Variants in SCLY observed in about 807,000 individuals in gnomAD.
SCLY encodes the protein selenocysteine lyase, also known as putative selenocysteine lyase.
SCLY carries 38 observed loss-of-function variants against 50.1 expected under a neutral mutation model. The ratio of observed to expected loss-of-function variants is 0.76; its 90% CI spans 0.59 to 0.99. SCLY has a LOEUF of 0.99. Among genes scored for constraint, SCLY ranks in the 50% least tolerant of loss-of-function variants. The probability of loss-of-function intolerance (pLI) is 0.00; values close to 1 mark genes in which losing one functional copy is unlikely to be tolerated. For missense variants in SCLY, 600 were observed against 620.0 expected (o/e 0.97, Z 0.34); for synonymous variants, 243 against 249.4 (o/e 0.97, Z 0.24).
Position 238,069,418 on chromosome 2 carries a change from C to T in SCLY, c.425C>T (p.Ser142Leu), listed in dbSNP as rs759419034. ...KGAKPHFITS[S>L]VEHDSIRLPL... Reference sequence around the variant, plus strand: ...GCCAAGCCCCATTTCATTACTTCCTCGGTGGAACACGACTCCATCCGGCTG... The same window carrying T: ...GCCAAGCCCCATTTCATTACTTCCTTGGTGGAACACGACTCCATCCGGCTG... Residue 142 changes from serine to leucine, a missense_variant, in exon 4 of 12, where the codon TCG (serine) becomes TTG (leucine). Physicochemically the swap from Ser to Leu is moderately radical, Grantham distance 145. Coordinates refer to ENST00000254663, the MANE Select transcript of SCLY (RefSeq NM_016510.7). This position sits in a 1 kb window ranked among gnomAD's most constrained non-coding sequence, Gnocchi z 5.0. 1.8e-5 allele frequency: 29 copies of T among 1,613,794 alleles called. No individual in the cohort carries two copies. In the Admixed American group the frequency reaches 2.2e-4, roughly 12 times the overall value.
At chr2:238,078,183 A>T (rs1197770571) in intron 4 of SCLY, among the ~76,000 whole-genome samples, 1 of 152,038 alleles carries the variant, frequency 6.6e-6, no homozygotes, top group Non-Finnish European at 1.5e-5. Flanking sequence ...TGAACTCCTG[A>T]TCTCAGGTGA....
chr2:238,085,058 G>A (rs1223590546), intron 7 of SCLY, among the ~76,000 whole-genome samples: 2 of 152,136 alleles, frequency 1.3e-5, no homozygotes, highest in African/African-American at 4.8e-5. Context: ...CAGGTTTCAA[G>A]TGAAAATCAT....
chr2:238,085,266 GA>G (rs1447997198), intron 7 of SCLY, among the ~76,000 whole-genome samples: 1 of 152,080 alleles, frequency 6.6e-6, no homozygotes, highest in African/African-American at 2.4e-5. Flanking sequence ...CAACATAAAA[GA>G]AGAACCAAAT....
At chr2:238,088,726 A>C (rs560097891) in intron 7 of SCLY, among the ~76,000 whole-genome samples, 9 of 152,260 alleles carry the variant, frequency 5.9e-5, no homozygotes, top group Non-Finnish European at 1.3e-4. Context: ...TCAACCATTC[A>C]TGTTAAAAAC....
At chr2:238,071,037 G>A (rs1034075763) in intron 4 of SCLY, among the ~76,000 whole-genome samples, 1 of 151,856 alleles carries the variant, frequency 6.6e-6, no homozygotes, top group Non-Finnish European at 1.5e-5. Context: ...TCACCATGTT[G>A]ACCAGGCTGC....
chr2:238,093,906 A>T lies in SCLY; in HGVS notation c.967A>T (p.Met323Leu). ...GAACTGCGAGGCTTATGAGGCCCAC[A>T]TGAGGGACGTCCGCGACTACCTGGA... ...TQNCEAYEAH[M>L]RDVRDYLEER... Residue 323 changes from methionine (M) to leucine (L), a missense_variant, in exon 9 of 12, where the codon ATG becomes TTG. Coordinates refer to ENST00000254663, the MANE Select transcript of SCLY (RefSeq NM_016510.7). 1 of 1,614,050 alleles carries T rather than the reference A, an allele frequency of 6.2e-7. No homozygotes were observed. Among genetic ancestry groups the T allele is most frequent in the Non-Finnish European group, 8.5e-7 (1 of 1,180,014 alleles).
chr2:238,074,191 A>C (rs371288943), intron 4 of SCLY, among the ~76,000 whole-genome samples: 16 of 152,156 alleles, frequency 1.1e-4, no homozygotes, highest in African/African-American at 3.9e-4. Context: ...CTGTAATCCC[A>C]GCTACTTGGG....
In SCLY at chr2:238,066,691, A is replaced by G. The variant is rs1014928953; in HGVS notation, c.203-1374A>G. Among the ~76,000 whole-genome samples the G allele has an allele frequency of 1.3e-5, 2 of 152,280 alleles. No homozygotes were observed. Among genetic ancestry groups the G allele is most frequent in the African/African-American group, 4.8e-5 (2 of 41,550 alleles). On this transcript the variant is annotated intron_variant, in intron 2 of 11. Coordinates refer to ENST00000254663, the MANE Select transcript of SCLY (RefSeq NM_016510.7). The surrounding 1 kb of genome is among the most constrained non-coding windows in gnomAD (Gnocchi z 4.1). Reference sequence around the variant, plus strand: ...TAATTGGCGGGGAATGAAAAGGGAAAGAGCCCACGCTTTTGCCCTGGGCTG... The same window carrying G: ...TAATTGGCGGGGAATGAAAAGGGAAGGAGCCCACGCTTTTGCCCTGGGCTG...
At chr2:238,091,118 A>G (rs1235178220) in intron 7 of SCLY, 100 bp from the exon 8 acceptor site, 5 of 1,095,292 alleles carry the variant, frequency 4.6e-6, no homozygotes, top group Non-Finnish European at 4.2e-6. Flanking sequence ...GGAAAGATGT[A>G]GCGTGAGTTT....
Position 238,098,579 on chromosome 2 carries a change from G to GAACGCCCACATGGGAACGCCCACATAGA in SCLY, c.*225_*226insACGCCCACATGGGAACGCCCACATAGAA, listed in dbSNP as rs1691306545. The GAACGCCCACATGGGAACGCCCACATAGA allele has an allele frequency of 8.6e-5, 34 of 394,842 alleles. 2 individuals are homozygous for GAACGCCCACATGGGAACGCCCACATAGA. Among genetic ancestry groups the GAACGCCCACATGGGAACGCCCACATAGA allele is most frequent in the African/African-American group, 1.2e-4 (5 of 40,126 alleles). The allele number at this position is 394,842 out of a possible 1,614,324, so 24.5% of individuals were successfully genotyped here. ...ACGCCGCATAGGACTGCCCACATGG[G>GAACGCCCACATGGGAACGCCCACATAGA]ACCGCCCACATAGGACCGCCCACAT... On this transcript the variant is annotated 3_prime_UTR_variant, in exon 12 of 12. Transcript: ENST00000254663.
intron 11 of SCLY, among the ~76,000 whole-genome samples, 185 bp downstream of exon 11, chr2:238,097,061 G>A (rs1290566368): frequency 6.6e-6 from 1 of 152,142 alleles, no homozygotes; most frequent in African/African-American, 2.4e-5. Context: ...GCCATCTGAA[G>A]GACTAGGACT....
intron 8 of SCLY, chr2:238,091,549 C>T: frequency 1.3e-4 from 44 of 338,952 alleles, no homozygotes; most frequent in South Asian, 4.7e-4. Context: ...TGCAGGTTCA[C>T]CATTCCCAAA....
chr2:238,074,687 T>C (rs2065156556), intron 4 of SCLY, among the ~76,000 whole-genome samples: 1 of 152,168 alleles, frequency 6.6e-6, no homozygotes, highest in African/African-American at 2.4e-5. Flanking sequence ...TTCACCATGT[T>C]GGTCAGGCTG....
At chr2:238,085,675 C>T (rs377646759) in intron 7 of SCLY, among the ~76,000 whole-genome samples, 9 of 151,778 alleles carry the variant, frequency 5.9e-5, no homozygotes, top group Non-Finnish European at 1.2e-4. Context: ...TGCAGTGAGC[C>T]GAGATCGTGC....
intron 10 of SCLY, among the ~76,000 whole-genome samples, chr2:238,095,074 G>A (rs1010216457): frequency 6.6e-6 from 1 of 152,156 alleles, no homozygotes; most frequent in Non-Finnish European, 1.5e-5. Context: ...ATAGTGGTGT[G>A]CACCTGTAGT....
rs756999116 is a variant in SCLY, at chr2:238,098,253, C to A, written c.1236C>A (p.Asn412Lys). 4 of 1,610,460 alleles carry A rather than the reference C, an allele frequency of 2.5e-6. No homozygotes were observed. In the African/African-American group the frequency reaches 4.0e-5, roughly 16 times the overall value. ...GTGTCCCCTTCGACGTGGCCAGGAACGCGCTCCGGCTCAGCGTGGGCCGCA... is the reference window on the plus strand; with the variant it reads ...GTGTCCCCTTCGACGTGGCCAGGAAAGCGCTCCGGCTCAGCGTGGGCCGCA... ...SYGVPFDVAR[N>K]ALRLSVGRST... Residue 412 changes from asparagine to lysine, a missense_variant, in exon 12 of 12, where the codon AAC (asparagine) becomes AAA (lysine). Coordinates refer to ENST00000254663, the MANE Select transcript of SCLY (RefSeq NM_016510.7).
Position 238,096,809 on chromosome 2 carries a change from G to A in SCLY, c.1117G>A (p.Val373Met), listed in dbSNP as rs1282996931. Residue 373 changes from valine (V) to methionine (M), a missense_variant, in exon 11 of 12, where the codon GTG becomes ATG. By Grantham distance (21) the Val-to-Met change is conservative. Transcript: ENST00000254663. ...GTGCTCTGTCTCCGCAGGCCACGTG[G>A]TGCTTGCGCAGTGCCGAGTGCTGAT... Reference protein sequence around the residue: ...IRGPRLQGHVVLAQCRVLMAS... With the variant: ...IRGPRLQGHVMLAQCRVLMAS... 6.2e-7 allele frequency: 1 copy of A among 1,610,680 alleles called. No individual in the cohort carries two copies. Among genetic ancestry groups the A allele is most frequent in the African/African-American group, 1.3e-5 (1 of 75,034 alleles).
chr2:238,098,623 C>CGCCCACATAGAACCGCCCACATAGGAA lies in SCLY; in HGVS notation c.*268_*269insGCCCACATAGAACCGCCCACATAGGAA, dbSNP rs1559254704. On this transcript the variant is annotated 3_prime_UTR_variant, in exon 12 of 12. Transcript: ENST00000254663. Reference sequence around the variant, plus strand: ...CCCACATAGGACCGCCCACATGGGACCGCCCACATGGGACCGCCCACATGG... The same window carrying CGCCCACATAGAACCGCCCACATAGGAA: ...CCCACATAGGACCGCCCACATGGGACGCCCACATAGAACCGCCCACATAGGAACGCCCACATGGGACCGCCCACATGG... 30 of 239,186 alleles carry CGCCCACATAGAACCGCCCACATAGGAA rather than the reference C, an allele frequency of 1.3e-4. 1 individual carries two copies. The highest frequency in any genetic ancestry group is 1.9e-3 in the Middle Eastern group (2 of 1,028). The allele number at this position is 239,186 out of a possible 1,614,324, so 14.8% of individuals were successfully genotyped here. A position where few individuals can be genotyped will look rare whatever the true frequency, so the allele number is the denominator to read the frequency against.
At chr2:238,061,180 C>A in intron 1 of SCLY, 37 bp downstream of exon 1, 1 of 1,422,080 alleles carries the variant, frequency 7.0e-7, no homozygotes, top group Non-Finnish European at 9.6e-7. Context: ...GAGCGGCCGG[C>A]GCCTGTCGCC....
Sources: gnomAD v4.1 joint callset for allele counts (sites outside exome capture counted in the v4.1 genomes callset) on GRCh38, gnomAD v4.1.1 for gene constraint, Gnocchi (gnomAD v3.1) non-coding constraint, MANE v1.5 for transcripts, NCBI Gene and HGNC (gene_info 2026-07-23, HGNC 2026-07-21) for gene names.